MYO3A: variants seen among roughly 807,000 people sequenced by gnomAD.
MYO3A encodes myosin-IIIa.
In MYO3A, 180 loss-of-function variants were observed where a neutral mutation model predicts 192.7. That is an observed-to-expected ratio of 0.93 (90% confidence interval 0.83 to 1.06). The LOEUF (loss-of-function observed/expected upper bound fraction) is 1.06, where lower values mean the gene tolerates loss of function less well. Ranked by LOEUF, MYO3A falls within the 50% of genes least tolerant of loss-of-function variation. The probability of loss-of-function intolerance (pLI) is 0.00; values close to 1 mark genes in which losing one functional copy is unlikely to be tolerated. For missense variants in MYO3A, 1,896 were observed against 1,905.0 expected (o/e 1.00, Z 0.09); for synonymous variants, 628 against 645.3 (o/e 0.97, Z 0.41).
intron 20 of MYO3A, among the ~76,000 whole-genome samples, chr10:26,139,325 C>G (rs1840023310): frequency 7.6e-6 from 1 of 131,480 alleles, no homozygotes; most frequent in African/African-American, 2.8e-5. Context: ...ACCACAACCT[C>G]CACCTCCTGG....
intron 14 of MYO3A, among the ~76,000 whole-genome samples, chr10:26,082,616 A>AT (rs1486139586): frequency 1.3e-5 from 2 of 152,188 alleles, no homozygotes; most frequent in African/African-American, 4.8e-5. Flanking sequence ...TATATATACT[A>AT]TTTTTTCCTA....
At chr10:26,097,173 G>C (rs1446339273) in intron 17 of MYO3A, among the ~76,000 whole-genome samples, 1 of 151,842 alleles carries the variant, frequency 6.6e-6, no homozygotes, top group Non-Finnish European at 1.5e-5. Flanking sequence ...AAAGAAATAT[G>C]GTAGCAATTA....
chr10:26,142,318 G>A (rs539402215), intron 20 of MYO3A, among the ~76,000 whole-genome samples: 7 of 152,332 alleles, frequency 4.6e-5, no homozygotes, highest in South Asian at 4.1e-4. Context: ...GCTGCATGTC[G>A]TAGTTCAGAG....
chr10:26,100,576 G>A (rs898458134), intron 17 of MYO3A, among the ~76,000 whole-genome samples: 5 of 152,244 alleles, frequency 3.3e-5, no homozygotes, highest in African/African-American at 1.2e-4. Context: ...ACTGCTTTAA[G>A]TGTGTCCCAG....
At chr10:26,107,580 T>C (rs1265405519) in intron 17 of MYO3A, among the ~76,000 whole-genome samples, 1 of 152,174 alleles carries the variant, frequency 6.6e-6, no homozygotes, top group African/African-American at 2.4e-5. Flanking sequence ...GATTCTTCTA[T>C]GATAATTATC....
At position 26,008,991 on chromosome 10, in the gene MYO3A, A is replaced by G. The variant is rs556318942; in HGVS notation, c.509-7829A>G. ...TTGGAACCAACCCAAATGTCCAACA[A>G]TGATAGACTGGATTAAGAAAATGTG... On this transcript the variant is annotated intron_variant, in intron 6 of 34. Coordinates refer to ENST00000642920, the MANE Select transcript of MYO3A (RefSeq NM_017433.5). 5.9e-5 allele frequency among the ~76,000 whole-genome samples: 9 copies of G among 152,066 alleles called. No homozygotes were observed. In the South Asian group the frequency reaches 1.9e-3, roughly 32 times the overall value.
Position 26,021,616 on chromosome 10 carries a change from T to C in MYO3A, c.699T>C (p.Leu233=). ...LGDGDPPLAD[L]HPMRALFKIP... Reference sequence around the variant, plus strand: ...ATGGAGATCCTCCACTAGCTGACCTTCATCCCATGAGAGCACTCTTCAAAA... The same window carrying C: ...ATGGAGATCCTCCACTAGCTGACCTCCATCCCATGAGAGCACTCTTCAAAA... Residue 233 remains leucine (L), a synonymous_variant, in exon 8 of 35, where the codon CTT becomes CTC. Coordinates refer to ENST00000642920, the MANE Select transcript of MYO3A (RefSeq NM_017433.5). 1 of 1,614,114 alleles carries C rather than the reference T, an allele frequency of 6.2e-7. No individual in the cohort carries two copies. The highest frequency in any genetic ancestry group is 2.2e-5 in the East Asian group (1 of 44,876).
intron 2 of MYO3A, among the ~76,000 whole-genome samples, chr10:25,937,230 G>A (rs1203012810): frequency 6.6e-6 from 1 of 152,168 alleles, no homozygotes; most frequent in African/African-American, 2.4e-5. Flanking sequence ...GCCCACTTTG[G>A]GTGGGGTATA....
chr10:25,988,960 T>A (rs1035517607), intron 4 of MYO3A, among the ~76,000 whole-genome samples: 9 of 131,378 alleles, frequency 6.9e-5, no homozygotes, highest in South Asian at 2.3e-4. Context: ...TTTTTTTTTT[T>A]ACTTTTTTTT....
At chr10:26,136,457 A>G (rs1293335881) in intron 20 of MYO3A, among the ~76,000 whole-genome samples, 1 of 152,252 alleles carries the variant, frequency 6.6e-6, no homozygotes, top group Non-Finnish European at 1.5e-5. Context: ...AGCCTTTTAT[A>G]AAAGAAAGAT....
At chr10:26,186,266 C>CTTTT (rs35154545) in intron 31 of MYO3A, among the ~76,000 whole-genome samples, 3 of 129,724 alleles carry the variant, frequency 2.3e-5, no homozygotes, top group Admixed American at 8.0e-5. Context: ...TGATATCCTT[C>CTTTT]TTTTTTTTTT....
intron 7 of MYO3A, among the ~76,000 whole-genome samples, chr10:26,020,230 C>A: frequency 6.6e-6 from 1 of 152,326 alleles, no homozygotes; most frequent in Middle Eastern, 3.4e-3. Flanking sequence ...CAACTCCTTG[C>A]CTCCTCTCAA....
intron 10 of MYO3A, among the ~76,000 whole-genome samples, chr10:26,049,386 G>T (rs1564493912): frequency 6.6e-6 from 1 of 152,160 alleles, no homozygotes; most frequent in Non-Finnish European, 1.5e-5. Flanking sequence ...CTTTTAGGAA[G>T]CTCAGCTATG....
chr10:26,038,443 AT>A (rs1271640702), intron 10 of MYO3A, among the ~76,000 whole-genome samples: 4 of 151,952 alleles, frequency 2.6e-5, no homozygotes, highest in Non-Finnish European at 5.9e-5. Flanking sequence ...TAGGCATTTT[AT>A]TTTATTTGTA....
chr10:25,962,462 G>C (rs1837992870), intron 4 of MYO3A, among the ~76,000 whole-genome samples: 1 of 152,086 alleles, frequency 6.6e-6, no homozygotes, highest in Non-Finnish European at 1.5e-5. Flanking sequence ...GTTTTTTATA[G>C]AACATCTACG....
At chr10:26,132,843 A>G (rs73594306) in intron 20 of MYO3A, among the ~76,000 whole-genome samples, 229 of 152,330 alleles carry the variant, frequency 1.5e-3, no homozygotes, top group African/African-American at 5.2e-3. Flanking sequence ...TTATGGCTCT[A>G]GCTTCTCTTG....
chr10:26,052,652 G>T (rs12247650), intron 10 of MYO3A, among the ~76,000 whole-genome samples: 47,333 of 152,108 alleles, frequency 0.31, 7,643 homozygotes, highest in Middle Eastern at 0.44. Flanking sequence ...CCATTGCTTG[G>T]ATTTATGTTT....
intron 22 of MYO3A, among the ~76,000 whole-genome samples, chr10:26,146,582 A>C (rs1840477448): frequency 6.6e-6 from 1 of 152,108 alleles, no homozygotes; most frequent in African/African-American, 2.4e-5. Flanking sequence ...AGTGGGGAGA[A>C]ATATCCCTGG....
chr10:26,003,672 G>GA (rs11295419), intron 6 of MYO3A, among the ~76,000 whole-genome samples: 1 of 151,332 alleles, frequency 6.6e-6, no homozygotes, highest in Admixed American at 6.6e-5. Flanking sequence ...ACTAATGTCT[G>GA]AAAAAAAACA....
Sources: allele counts gnomAD v4.1 joint callset (sites outside exome capture counted in the v4.1 genomes callset), GRCh38; gene constraint gnomAD v4.1.1; transcripts MANE v1.5; gene names NCBI Gene and HGNC (gene_info 2026-07-23, HGNC 2026-07-21).